The following FIG4 variants were observed in gnomAD, a reference collection of about 807,000 sequenced individuals.
The protein encoded by FIG4 is FIG4 phosphoinositide 5-phosphatase, also known as polyphosphoinositide phosphatase.
A neutral mutation model predicts 118.6 loss-of-function variants in FIG4; 112 were observed. The observed-to-expected ratio is 0.94, with a 90% CI of 0.81 to 1.11. The LOEUF is 1.11. FIG4 is among the 50% of genes least tolerant of loss of function. The probability of loss-of-function intolerance (pLI) is 0.00; values close to 1 mark genes in which losing one functional copy is unlikely to be tolerated. For missense variants in FIG4, 969 were observed against 1,111.7 expected, an observed-to-expected ratio of 0.87 and a Z score of 1.83; for synonymous variants, 369 against 381.2, an observed-to-expected ratio of 0.97 and a Z score of 0.37.
At chr6:109,716,883 A>G (rs904529091) in intron 3 of FIG4, among the ~76,000 whole-genome samples, 3 of 152,188 alleles carry the variant, frequency 2.0e-5, no homozygotes, top group African/African-American at 4.8e-5. Context: ...GACTGTAAAC[A>G]TCCACCCTGC....
chr6:109,694,032 G>A (rs527610537), intron 1 of FIG4, among the ~76,000 whole-genome samples: 2 of 151,922 alleles, frequency 1.3e-5, no homozygotes, highest in African/African-American at 2.4e-5. Flanking sequence ...TTGTAATAAT[G>A]AGGATAATAG....
chr6:109,823,075 T>C (rs1779058030), intron 22 of FIG4, among the ~76,000 whole-genome samples: 1 of 152,006 alleles, frequency 6.6e-6, no homozygotes. Context: ...TTGTATACTT[T>C]GATCTATAAA....
At chr6:109,697,823 C>A (rs1583621946) in intron 1 of FIG4, among the ~76,000 whole-genome samples, 1 of 152,050 alleles carries the variant, frequency 6.6e-6, no homozygotes, top group South Asian at 2.1e-4. Context: ...ATTTCTTTGG[C>A]ATCCTTTGAA....
chr6:109,728,424 G>C (rs1287363245), intron 4 of FIG4, among the ~76,000 whole-genome samples: 1 of 152,064 alleles, frequency 6.6e-6, no homozygotes, highest in Non-Finnish European at 1.5e-5. Context: ...AAATTGTAAA[G>C]GTTGAATTGA....
chr6:109,770,519 A>G (rs543026321), intron 15 of FIG4, among the ~76,000 whole-genome samples: 2 of 152,280 alleles, frequency 1.3e-5, no homozygotes, highest in Admixed American at 6.5e-5. Flanking sequence ...GTTGCTATAA[A>G]GAAATACCTG....
In FIG4 at chr6:109,762,181, C is replaced by T. The variant is rs145835022; in HGVS notation, c.1362C>T (p.Tyr454=). ...TCTTTGTAAACCGCCCTGATTCTTA[C>T]TGTAGCATTTTGCGGCCAGATGAAA... is the stretch of plus-strand genomic sequence containing the variant. ...TGFFVNRPDS[Y]CSILRPDEKW... The change falls in exon 12 of 23, where the codon TAC becomes TAT. Residue 454 remains tyrosine (Y), a synonymous_variant. Transcript: ENST00000230124. 6.2e-7 allele frequency: 1 copy of T among 1,610,348 alleles called. No individual in the cohort carries two copies. Among genetic ancestry groups the T allele is most frequent in the East Asian group, 2.2e-5 (1 of 44,842 alleles).
At chr6:109,795,585 G>C (rs1778261645) in intron 21 of FIG4, among the ~76,000 whole-genome samples, 1 of 118,580 alleles carries the variant, frequency 8.4e-6, no homozygotes, top group African/African-American at 2.9e-5. Flanking sequence ...CTGTTCTTTT[G>C]GTTTCAGTCC....
At chr6:109,788,239 A>T (rs540868321) in intron 18 of FIG4, among the ~76,000 whole-genome samples, 9 of 152,194 alleles carry the variant, frequency 5.9e-5, no homozygotes, top group Non-Finnish European at 1.3e-4. Flanking sequence ...ATTTATTAAC[A>T]TAACACTCAT....
intron 7 of FIG4, among the ~76,000 whole-genome samples, chr6:109,738,910 T>C (rs934917747): frequency 6.6e-6 from 1 of 152,136 alleles, no homozygotes; most frequent in Non-Finnish European, 1.5e-5. Context: ...TCTCATGGCT[T>C]GTGCATAAAA....
intron 1 of FIG4, among the ~76,000 whole-genome samples, chr6:109,713,056 T>C (rs1178705067): frequency 6.6e-6 from 1 of 152,200 alleles, no homozygotes; most frequent in Non-Finnish European, 1.5e-5. Context: ...AATACTCGTA[T>C]TGGGCTCTGA....
chr6:109,774,050 G>C (rs1562676176), intron 15 of FIG4, among the ~76,000 whole-genome samples: 1 of 152,022 alleles, frequency 6.6e-6, no homozygotes, highest in Non-Finnish European at 1.5e-5. Context: ...GAGCTCAAGC[G>C]ATCTGCCTGC....
chr6:109,745,730 A>G (rs1776472686), intron 10 of FIG4, among the ~76,000 whole-genome samples: 2 of 152,096 alleles, frequency 1.3e-5, no homozygotes, highest in East Asian at 3.9e-4. Context: ...TATGTCCTGA[A>G]TGGTATTTCC....
At chr6:109,801,011 C>T (rs563026453) in intron 22 of FIG4, among the ~76,000 whole-genome samples, 2 of 152,120 alleles carry the variant, frequency 1.3e-5, no homozygotes, top group Non-Finnish European at 2.9e-5. Context: ...AAGACCAACA[C>T]GTTCTCATTT....
intron 1 of FIG4, among the ~76,000 whole-genome samples, chr6:109,693,997 T>TG (rs1286459198): frequency 7.1e-6 from 1 of 141,574 alleles, no homozygotes; most frequent in Non-Finnish European, 1.6e-5. Context: ...ATGCTATGAA[T>TG]TAAAAAAACA....
intron 10 of FIG4, among the ~76,000 whole-genome samples, chr6:109,749,456 T>G (rs953953790): frequency 2.1e-4 from 32 of 152,028 alleles, no homozygotes; most frequent in Admixed American, 2.1e-3. Flanking sequence ...AGTTTTCCAG[T>G]AAATGTATAG....
chr6:109,823,210 A>C (rs556534514), intron 22 of FIG4, among the ~76,000 whole-genome samples: 1 of 152,310 alleles, frequency 6.6e-6, no homozygotes, highest in Admixed American at 6.5e-5. Context: ...AAGACAGATC[A>C]GTGTTTGAGA....
At chr6:109,723,477 T>C (rs1487881645) in intron 3 of FIG4, among the ~76,000 whole-genome samples, 2 of 152,240 alleles carry the variant, frequency 1.3e-5, no homozygotes, top group Non-Finnish European at 2.9e-5. Flanking sequence ...AAAACTGAAC[T>C]ATCAGAAATG....
intron 17 of FIG4, 61 bp downstream of exon 17, chr6:109,785,089 A>C: frequency 1.1e-6 from 1 of 900,564 alleles, no homozygotes; most frequent in South Asian, 1.3e-5. Flanking sequence ...TACCTTAATG[A>C]ACTTGAAGCA....
intron 4 of FIG4, among the ~76,000 whole-genome samples, chr6:109,730,404 G>A (rs1467691657): frequency 6.6e-6 from 1 of 152,074 alleles, no homozygotes; most frequent in Non-Finnish European, 1.5e-5. Flanking sequence ...TTTTGAGAAT[G>A]GAACTTGACA....
Sources: allele counts gnomAD v4.1 joint callset (sites outside exome capture counted in the v4.1 genomes callset), GRCh38; gene constraint gnomAD v4.1.1; transcripts MANE v1.5; gene names NCBI Gene and HGNC (gene_info 2026-07-23, HGNC 2026-07-21).